RSRC2: variants seen among roughly 807,000 people sequenced by gnomAD.
The protein encoded by RSRC2 is arginine/serine-rich coiled-coil protein 2.
A neutral mutation model predicts 61.3 loss-of-function variants in RSRC2; 5 were observed. That is an observed-to-expected ratio of 0.08 (90% confidence interval 0.04 to 0.17). The LOEUF (loss-of-function observed/expected upper bound fraction) is 0.17, where lower values mean the gene tolerates loss of function less well. RSRC2 is among the 10% of genes least tolerant of loss of function. RSRC2 has a pLI of 1.00. For synonymous variants in RSRC2, 202 were observed against 166.5 expected (o/e 1.21, Z -1.64); for missense variants, 381 against 518.8 (o/e 0.73, Z 2.58).
chr12:122,523,940 T>A (rs1327512129), intron 1 of RSRC2, among the ~76,000 whole-genome samples: 1 of 152,198 alleles, frequency 6.6e-6, no homozygotes, highest in African/African-American at 2.4e-5. Flanking sequence ...ATAAATTACG[T>A]GTTATTCCTC....
intron 7 of RSRC2, 134 bp from the exon 8 acceptor site, chr12:122,508,581 G>A: frequency 1.5e-6 from 1 of 672,668 alleles, no homozygotes; most frequent in South Asian, 1.9e-5. Flanking sequence ...CCAAGGAAAT[G>A]ACTGAGTATT....
rs368147809 is a variant in RSRC2, at chr12:122,510,518, G to C, written c.805+591C>G. 5.5e-4 allele frequency among the ~76,000 whole-genome samples: 83 copies of C among 151,402 alleles called. 3 individuals carry two copies. The South Asian group carries it at 0.016, about 30-fold the overall frequency. Reference sequence around the variant, plus strand: ...CACTCCAGCCTGGGCGATGGAGCGAGACTCCGTAACAACAACAACAAGATC... The same window carrying C: ...CACTCCAGCCTGGGCGATGGAGCGACACTCCGTAACAACAACAACAAGATC... On this transcript the variant is annotated intron_variant, in intron 7 of 9. Coordinates refer to ENST00000331738, the MANE Select transcript of RSRC2 (RefSeq NM_023012.6).
Position 122,504,865 on chromosome 12 carries a change from G to A in RSRC2, c.*662C>T, listed in dbSNP as rs10998. ...TATAATAGGAAAACATACTATTTTA[G>A]TAAGTTTTCTCCTTCCACCTTTTAC... is the stretch of plus-strand genomic sequence containing the variant. On this transcript the variant is annotated 3_prime_UTR_variant, in exon 10 of 10. Coordinates refer to ENST00000331738, the MANE Select transcript of RSRC2 (RefSeq NM_023012.6). 0.79 allele frequency: 120,655 copies of A among 152,566 alleles called. 48,202 individuals carry two copies. The highest frequency in any genetic ancestry group is 0.89 in the African/African-American group (36,909 of 41,528). 9.5% of individuals were successfully genotyped at this position (152,566 alleles called of 1,614,324 possible). A position where few individuals can be genotyped will look rare whatever the true frequency, so the allele number is the denominator to read the frequency against.
At chr12:122,517,803 C>G (rs768483625) in intron 4 of RSRC2, among the ~76,000 whole-genome samples, 8 of 152,010 alleles carry the variant, frequency 5.3e-5, no homozygotes, top group Non-Finnish European at 7.4e-5. Flanking sequence ...AAAAAAACCC[C>G]ACCAAAAACC....
intron 6 of RSRC2, among the ~76,000 whole-genome samples, chr12:122,512,634 A>G (rs1333017759): frequency 6.6e-6 from 1 of 151,568 alleles, no homozygotes; most frequent in Non-Finnish European, 1.5e-5. Context: ...TGGGGTGCTG[A>G]GGCAGGAGAA....
At chr12:122,512,749 GA>G (rs58923703) in intron 6 of RSRC2, among the ~76,000 whole-genome samples, 6,389 of 142,746 alleles carry the variant, frequency 0.045, 461 homozygotes, top group African/African-American at 0.15. Flanking sequence ...AGAGGAAAAG[GA>G]AAAAAAAAAA....
rs1463840678 is a variant in RSRC2 at position 122,525,802 on chromosome 12, T to G, written c.6+1046A>C. 1.9e-4 allele frequency among the ~76,000 whole-genome samples: 2 copies of G among 10,462 alleles called. 1 individual carries two copies. Among genetic ancestry groups the G allele is most frequent in the African/African-American group, 1.9e-3 (2 of 1,050 alleles). The allele number at this position is 10,462 out of a possible 152,430, so 6.9% of individuals were successfully genotyped here. ...TAGCTCCTCTGGGGTCAACGAAGAG[T>G]TTTTTTTTTTTTTTTTTTTTTTTTT... On this transcript the variant is annotated intron_variant, in intron 1 of 9. Transcript: ENST00000331738.
At chr12:122,519,756 C>G (rs1377870458) in intron 3 of RSRC2, 1 of 152,378 alleles carries the variant, frequency 6.6e-6, no homozygotes, top group Non-Finnish European at 1.5e-5. Flanking sequence ...CATACTGCCC[C>G]CACACTTTAA....
At chr12:122,514,922 CTT>C in intron 6 of RSRC2, 181 bp downstream of exon 6, 2 of 733,898 alleles carry the variant, frequency 2.7e-6, no homozygotes, top group South Asian at 4.4e-5. Context: ...ACATCTCAAT[CTT>C]ATAGTTGTGC....
At chr12:122,517,494 A>C in intron 4 of RSRC2, 64 bp from the exon 5 acceptor site, 1 of 1,594,224 alleles carries the variant, frequency 6.3e-7, no homozygotes, top group South Asian at 1.1e-5. Flanking sequence ...TATACACATC[A>C]TGAATTAGTT....
At chr12:122,510,500 G>C (rs7136564) in intron 7 of RSRC2, among the ~76,000 whole-genome samples, 77,725 of 151,990 alleles carry the variant, frequency 0.51, 20,452 homozygotes, top group Non-Finnish European at 0.55. Context: ...CTGCACTCCA[G>C]CCTGGGCGAT....
chr12:122,520,364 A>T, intron 3 of RSRC2: 1 of 476,686 alleles, frequency 2.1e-6, no homozygotes. Context: ...TTAAGTGGTT[A>T]AACTTCTAAA....
At position 122,517,306 on chromosome 12, in the gene RSRC2, G is replaced by T. The variant is rs755757225; in HGVS notation, c.523C>A (p.Arg175=). The T allele has an allele frequency of 1.9e-6, 3 of 1,613,956 alleles. No homozygotes were observed. In the South Asian group the frequency reaches 3.3e-5, roughly 18 times the overall value. ...SRSRSRERKR[R]IRSRSRSRSR... ...CTTGAGCGGGAACGAGACCTGATCC[G>T]CCGTTTTCTTTCCCTGCTTCTGGAT... The change falls in exon 5 of 10, where the codon CGG becomes AGG. Residue 175 remains arginine, a synonymous_variant. Coordinates refer to ENST00000331738, the MANE Select transcript of RSRC2 (RefSeq NM_023012.6).
In RSRC2 at chr12:122,522,314, A is replaced by G. The variant is rs372024926; in HGVS notation, c.7-15T>C. The G allele has an allele frequency of 7.6e-4, 1,192 of 1,573,196 alleles. 1 individual carries two copies. The highest frequency in any genetic ancestry group is 8.2e-4 in the Non-Finnish European group (959 of 1,166,090). On this transcript the variant is annotated splice_polypyrimidine_tract_variant and intron_variant, in intron 1 of 9. Coordinates refer to ENST00000331738, the MANE Select transcript of RSRC2 (RefSeq NM_023012.6). ...GTATCACTAGCCTAAAAGTTTAAAA[A>G]CAAATGATTAAAGTTCTTAATTACA...
At chr12:122,520,862 A>G (rs774020637) in intron 3 of RSRC2, 2 of 247,968 alleles carry the variant, frequency 8.1e-6, no homozygotes, top group Non-Finnish European at 1.6e-5. Context: ...CTTTTTCCTC[A>G]AGTTTTGGTG....
At chr12:122,515,575 A>G (rs1249502758) in intron 5 of RSRC2, among the ~76,000 whole-genome samples, 1 of 152,200 alleles carries the variant, frequency 6.6e-6, no homozygotes. Context: ...AGCTAGCCTT[A>G]TACATTAGTC....
At position 122,526,904 on chromosome 12, in the gene RSRC2, A is replaced by C. The variant is rs764931238; in HGVS notation, c.-51T>G. 2 of 1,611,048 alleles carry C rather than the reference A, an allele frequency of 1.2e-6. No individual in the cohort carries two copies. Among genetic ancestry groups the C allele is most frequent in the African/African-American group, 2.7e-5 (2 of 74,854 alleles). ...GGCGCCTCCACTTGTCGCTTTCAAC[A>C]GTACCGGCCGCTCCGAAGCTTCGCC... On this transcript the variant is annotated 5_prime_UTR_variant, in exon 1 of 10. Transcript: ENST00000331738.
At chr12:122,511,334 G>C in intron 6 of RSRC2, 146 bp from the exon 7 acceptor site, 2 of 542,596 alleles carry the variant, frequency 3.7e-6, no homozygotes, top group Non-Finnish European at 6.4e-6. Flanking sequence ...CGTATGTGAA[G>C]AAAAAGCAAT....
At chr12:122,508,888 G>A (rs1958293732) in intron 7 of RSRC2, among the ~76,000 whole-genome samples, 1 of 151,894 alleles carries the variant, frequency 6.6e-6, no homozygotes. Context: ...CCCAAAAGGC[G>A]AAGGTTGCAG....
Sources: allele counts gnomAD v4.1 joint callset (sites outside exome capture counted in the v4.1 genomes callset), GRCh38; gene constraint gnomAD v4.1.1; transcripts MANE v1.5; gene names NCBI Gene and HGNC (gene_info 2026-07-23, HGNC 2026-07-21).